MTM1: variants seen among roughly 807,000 people sequenced by gnomAD.
MTM1 encodes myotubularin 1.
A neutral mutation model predicts 52.1 loss-of-function variants in MTM1; 9 were observed. That is an observed-to-expected ratio of 0.17 (90% CI 0.10 to 0.30). MTM1 has a LOEUF of 0.30. Among genes scored for constraint, MTM1 ranks in the 10% least tolerant of loss-of-function variants. The probability of loss-of-function intolerance (pLI) is 1.00; values close to 1 mark genes in which losing one functional copy is unlikely to be tolerated. For synonymous variants in MTM1, 136 were observed against 163.8 expected (o/e 0.83, Z 1.29); for missense variants, 277 against 470.7 (o/e 0.59, Z 3.81).
chrX:150,602,503 G>A (rs1420357412), intron 4 of MTM1, among the ~76,000 whole-genome samples: 3 of 112,456 alleles, frequency 2.7e-5, no homozygotes, highest in Admixed American at 1.9e-4. Context: ...GGGCTCCTAA[G>A]TTGTTAGTGC....
rs782107581 is a variant in MTM1 at position 150,575,702 on chromosome X, TCTTG to T, written c.-11+7044_-11+7047del. Among the ~76,000 whole-genome samples the T allele has an allele frequency of 2.9e-4, 33 of 112,401 alleles. 1 individual carries two copies. In the South Asian group the frequency reaches 0.012, roughly 42 times the overall value. On this transcript the variant is annotated intron_variant, in intron 1 of 14. Coordinates refer to ENST00000370396, the MANE Select transcript of MTM1 (RefSeq NM_000252.3). ...GCCCAAGATCTTTACTTGAGAAGGCTCTTGCTTTCAATGTTTCACCATAAAGTAT... is the reference window on the plus strand; with the variant it reads ...GCCCAAGATCTTTACTTGAGAAGGCTCTTTCAATGTTTCACCATAAAGTAT...
chrX:150,614,321 G>A (rs1557413081), intron 4 of MTM1, among the ~76,000 whole-genome samples: 1 of 111,991 alleles, frequency 8.9e-6, no homozygotes, highest in African/African-American at 3.3e-5. Flanking sequence ...GTGATATCAC[G>A]GACGTCCTGG....
intron 6 of MTM1, among the ~76,000 whole-genome samples, chrX:150,624,148 C>G (rs139216813): frequency 8.9e-6 from 1 of 112,020 alleles, no homozygotes; most frequent in Non-Finnish European, 1.9e-5. Context: ...CAACAGAGTT[C>G]ACCCCAAACC....
intron 5 of MTM1, 51 bp from the exon 6 acceptor site, chrX:150,618,987 A>T: frequency 1.1e-6 from 1 of 894,753 alleles, no homozygotes; most frequent in Non-Finnish European, 1.7e-6. Flanking sequence ...CTTGCTAATT[A>T]ACATGACTTT....
chrX:150,661,946 C>A (rs1557414714), intron 13 of MTM1, among the ~76,000 whole-genome samples: 1 of 112,041 alleles, frequency 8.9e-6, no homozygotes, highest in Non-Finnish European at 1.9e-5. Context: ...AAATTGGTAA[C>A]TATATGAGGT....
At chrX:150,659,583 G>T in intron 11 of MTM1, 81 bp from the exon 12 acceptor site, 1 of 820,077 alleles carries the variant, frequency 1.2e-6, no homozygotes, top group Non-Finnish European at 1.8e-6. Flanking sequence ...TTGCTGAATT[G>T]TATTGTCACA....
intron 4 of MTM1, among the ~76,000 whole-genome samples, chrX:150,612,453 A>G (rs2039300040): frequency 8.9e-6 from 1 of 111,902 alleles, no homozygotes; most frequent in Non-Finnish European, 1.9e-5. Context: ...ATACTTTGAG[A>G]GGCCAAGGCA....
intron 4 of MTM1, among the ~76,000 whole-genome samples, chrX:150,601,100 A>G (rs188333123): frequency 6.0e-4 from 67 of 112,167 alleles, no homozygotes; most frequent in African/African-American, 2.0e-3. Flanking sequence ...AACATGTATT[A>G]CTTTTACAAT....
chrX:150,606,748 C>G (rs1323838503), intron 4 of MTM1, among the ~76,000 whole-genome samples: 2 of 110,729 alleles, frequency 1.8e-5, no homozygotes, highest in African/African-American at 6.6e-5. Context: ...TGGTTTTCAT[C>G]ATTTTTGATT....
Position 150,663,602 on chromosome X carries a change from A to G in MTM1, c.1637A>G (p.Lys546Arg). Residue 546 changes from lysine (K) to arginine (R), a missense_variant, in exon 14 of 15, where the codon AAG (lysine) becomes AGG (arginine). By Grantham distance (26) the Lys-to-Arg change is conservative. This residue lies in a region of MTM1 where 51 missense variants were observed against 52.2 expected (regional missense o/e 0.98). Transcript: ENST00000370396. ...NYYIRWNPRI[K>R]QQQPNPVEQR... ...TACATTAGATGGAACCCCAGGATCA[A>G]GCAACAAGTAAGTGAAGTAGCACTG... 8.3e-7 allele frequency: 1 copy of G among 1,208,513 alleles called. No homozygotes were observed. The highest frequency in any genetic ancestry group is 1.1e-6 in the Non-Finnish European group (1 of 892,300).
chrX:150,596,795 T>C (rs183842608), intron 3 of MTM1: 146 of 354,488 alleles, frequency 4.1e-4, no homozygotes, highest in African/African-American at 3.1e-3. Context: ...TACCAAAGAC[T>C]GAGAATGATT....
intron 1 of MTM1, among the ~76,000 whole-genome samples, chrX:150,589,750 C>CTT (rs781783631): frequency 7.6e-5 from 7 of 91,899 alleles, no homozygotes; most frequent in African/African-American, 1.2e-4. Flanking sequence ...TCATTATTGT[C>CTT]TTTTTTTTTT....
At chrX:150,668,801 A>G (rs782555420) in intron 14 of MTM1, among the ~76,000 whole-genome samples, 3 of 112,040 alleles carry the variant, frequency 2.7e-5, no homozygotes, top group South Asian at 7.5e-4. Context: ...TGGTGTGCAC[A>G]GCTTCAGCAA....
upstream of MTM1, among the ~76,000 whole-genome samples, chrX:150,563,800 C>T (rs2038230167): frequency 9.0e-6 from 1 of 110,849 alleles, no homozygotes; most frequent in Non-Finnish European, 1.9e-5. Flanking sequence ...GCAGGAGACT[C>T]ACTTGAACCT....
the MTM1 span, among the ~76,000 whole-genome samples, chrX:150,562,965 C>T: frequency 5.4e-5 from 6 of 111,324 alleles, no homozygotes; most frequent in South Asian, 1.1e-3. Flanking sequence ...CCCTGGGGCC[C>T]ACAAGGGTAA....
intron 4 of MTM1, among the ~76,000 whole-genome samples, chrX:150,604,381 C>T (rs782299540): frequency 9.0e-6 from 1 of 111,502 alleles, no homozygotes; most frequent in Non-Finnish European, 1.9e-5. Context: ...GCTACCCTAG[C>T]CATGTTTTTT....
In MTM1 at chrX:150,595,125, TTC is replaced by T. The variant is rs1270273974; in HGVS notation, c.64-1369_64-1368del. On this transcript the variant is annotated intron_variant, in intron 2 of 14. Coordinates refer to ENST00000370396, the MANE Select transcript of MTM1 (RefSeq NM_000252.3). Reference sequence around the variant, plus strand: ...TCTCACCTGAATATACAATTCACATTTCTCTTGTTTCATAATAATTCTCTCCA... The same window carrying T: ...TCTCACCTGAATATACAATTCACATTTCTTGTTTCATAATAATTCTCTCCA... 2.7e-5 allele frequency among the ~76,000 whole-genome samples: 3 copies of T among 111,694 alleles called. No homozygotes were observed. In the Admixed American group the frequency reaches 2.8e-4, roughly 11 times the overall value.
At chrX:150,565,264 G>A (rs1235597423), upstream of MTM1, among the ~76,000 whole-genome samples, 1 of 111,579 alleles carries the variant, frequency 9.0e-6, no homozygotes, top group Admixed American at 9.5e-5. Flanking sequence ...TTTTTTCAGA[G>A]GAAGCAGTTA....
upstream of MTM1, among the ~76,000 whole-genome samples, chrX:150,565,521 T>C (rs1182564913): frequency 8.9e-6 from 1 of 111,939 alleles, no homozygotes; most frequent in Non-Finnish European, 1.9e-5. Flanking sequence ...TAGGATTAAG[T>C]TGAGGCAGGA....
Sources: allele counts gnomAD v4.1 joint callset (sites outside exome capture counted in the v4.1 genomes callset), GRCh38; gene constraint gnomAD v4.1.1; regional missense constraint gnomAD v4.1.1; transcripts MANE v1.5; gene names NCBI Gene and HGNC (gene_info 2026-07-23, HGNC 2026-07-21).